ARK2N: variants seen among roughly 807,000 people sequenced by gnomAD.
ARK2N encodes the protein protein ARK2N.
the ARK2N span, among the ~76,000 whole-genome samples, chr18:46,186,842 A>G: frequency 2.8e-5 from 4 of 143,760 alleles, no homozygotes; most frequent in Non-Finnish European, 4.5e-5. Context: ...CCCAACTATT[A>G]AAGAACTTAC....
At chr18:46,200,821 T>C in the ARK2N span, among the ~76,000 whole-genome samples, 8 of 152,156 alleles carry the variant, frequency 5.3e-5, no homozygotes, top group Admixed American at 2.0e-4. Flanking sequence ...GCAGCAGTTA[T>C]TTGAGAATAT....
the ARK2N span, among the ~76,000 whole-genome samples, chr18:46,260,910 G>A: frequency 6.6e-6 from 1 of 152,216 alleles, no homozygotes; most frequent in South Asian, 2.1e-4. Context: ...ATAATAAACA[G>A]ATTAGATCAG....
the ARK2N span, chr18:46,253,849 A>G: frequency 6.5e-7 from 1 of 1,542,740 alleles, no homozygotes; most frequent in East Asian, 2.3e-5. Context: ...GAGTAGTCTG[A>G]TATTTTAAGT....
chr18:46,185,446 T>G, the ARK2N span, among the ~76,000 whole-genome samples: 1 of 152,216 alleles, frequency 6.6e-6, no homozygotes, highest in Non-Finnish European at 1.5e-5. Context: ...TTGTTAGGTG[T>G]TAATTTTCTT....
At chr18:46,259,433 G>A in the ARK2N span, among the ~76,000 whole-genome samples, 50 of 151,726 alleles carry the variant, frequency 3.3e-4, no homozygotes, top group Non-Finnish European at 6.6e-4. Context: ...TAGTAGAGAC[G>A]GGGTTTCACC....
At chr18:46,227,261 C>T in the ARK2N span, among the ~76,000 whole-genome samples, 3 of 152,046 alleles carry the variant, frequency 2.0e-5, no homozygotes, top group South Asian at 2.1e-4. Context: ...TATTTAGAGT[C>T]GTATATAAAC....
chr18:46,218,916 A>G, the ARK2N span: 1 of 152,232 alleles, frequency 6.6e-6, no homozygotes, highest in East Asian at 1.9e-4. Flanking sequence ...ACCAAGTGGA[A>G]AAGTAAAAAC....
chr18:46,197,181 A>G, the ARK2N span, among the ~76,000 whole-genome samples: 10 of 152,312 alleles, frequency 6.6e-5, no homozygotes, highest in African/African-American at 2.2e-4. Context: ...TTTTGTGGCC[A>G]TGAGTTATTT....
At chr18:46,241,294 A>G in the ARK2N span, among the ~76,000 whole-genome samples, 1 of 152,158 alleles carries the variant, frequency 6.6e-6, no homozygotes, top group Non-Finnish European at 1.5e-5. Context: ...TTGACTGGTA[A>G]CTGCTGCCTG....
chr18:46,189,935 C>T, the ARK2N span, among the ~76,000 whole-genome samples: 1 of 152,108 alleles, frequency 6.6e-6, no homozygotes, highest in Non-Finnish European at 1.5e-5. Flanking sequence ...AAGATACAGA[C>T]ATTCAGAACT....
At chr18:46,226,066 T>C in the ARK2N span, among the ~76,000 whole-genome samples, 4 of 152,248 alleles carry the variant, frequency 2.6e-5, no homozygotes, top group African/African-American at 7.2e-5. Flanking sequence ...GGGGACCTCA[T>C]AGTTAACTGT....
chr18:46,176,268 A>G, the ARK2N span, among the ~76,000 whole-genome samples: 1 of 152,004 alleles, frequency 6.6e-6, no homozygotes, highest in South Asian at 2.1e-4. Context: ...TAAATAGGCA[A>G]TTTCAGTATT....
chr18:46,219,217 A>G, the ARK2N span: 1 of 152,166 alleles, frequency 6.6e-6, no homozygotes, highest in Non-Finnish European at 1.5e-5. Flanking sequence ...GATTTTTTAA[A>G]GTTAGCAGTT....
chr18:46,197,321 G>C, the ARK2N span, among the ~76,000 whole-genome samples: 2 of 151,988 alleles, frequency 1.3e-5, no homozygotes, highest in East Asian at 3.9e-4. Flanking sequence ...TGCAACCTCT[G>C]CCTCCCAGGT....
chr18:46,176,109 A>G, the ARK2N span, among the ~76,000 whole-genome samples: 1 of 152,160 alleles, frequency 6.6e-6, no homozygotes, highest in African/African-American at 2.4e-5. Flanking sequence ...CTTGCTTCTA[A>G]TATTAATAGT....
At chr18:46,199,810 C>T in the ARK2N span, among the ~76,000 whole-genome samples, 8 of 152,150 alleles carry the variant, frequency 5.3e-5, no homozygotes, top group Admixed American at 2.0e-4. Flanking sequence ...GACTCCTGGG[C>T]CAGGTATATG....
the ARK2N span, among the ~76,000 whole-genome samples, chr18:46,200,296 G>GT: frequency 2.0e-5 from 3 of 151,564 alleles, no homozygotes; most frequent in Admixed American, 2.0e-4. Context: ...ACAGGTTACA[G>GT]TTTTTTTGTT....
At chr18:46,191,011 T>C in the ARK2N span, among the ~76,000 whole-genome samples, 3 of 152,188 alleles carry the variant, frequency 2.0e-5, no homozygotes, top group Admixed American at 6.5e-5. Flanking sequence ...TCTGGCCCAA[T>C]TGGATCCAGC....
the ARK2N span, among the ~76,000 whole-genome samples, chr18:46,219,575 T>G: frequency 6.6e-6 from 1 of 151,960 alleles, no homozygotes; most frequent in Non-Finnish European, 1.5e-5. Flanking sequence ...GTTCAAGCGA[T>G]TCTCCTGCCT....
Sources: allele counts gnomAD v4.1 joint callset (sites outside exome capture counted in the v4.1 genomes callset), GRCh38; gene constraint gnomAD v4.1.1; transcripts MANE v1.5; gene names NCBI Gene and HGNC (gene_info 2026-07-23, HGNC 2026-07-21).